The following RETREG1 variants were observed in gnomAD, a reference collection of about 807,000 sequenced individuals.
The protein encoded by RETREG1 is family with sequence similarity 134 member B.
In RETREG1, 44 loss-of-function variants were observed where a neutral mutation model predicts 54.8. The observed-to-expected ratio is 0.80, with a 90% CI of 0.63 to 1.03. RETREG1 has a LOEUF of 1.03. Among genes scored for constraint, RETREG1 ranks in the 50% least tolerant of loss-of-function variants. RETREG1 has a pLI of 0.00. For missense variants in RETREG1, 554 were observed against 605.1 expected (o/e 0.92, Z 0.89); for synonymous variants, 217 against 238.5 (o/e 0.91, Z 0.83).
intron 3 of RETREG1, among the ~76,000 whole-genome samples, chr5:16,507,545 T>C (rs1416444522): frequency 6.6e-6 from 1 of 152,220 alleles, no homozygotes; most frequent in Non-Finnish European, 1.5e-5. Flanking sequence ...TCATTTTATG[T>C]AGAAAGTTGT....
chr5:16,520,479 A>G (rs1353550405), intron 3 of RETREG1, among the ~76,000 whole-genome samples: 1 of 151,872 alleles, frequency 6.6e-6, no homozygotes, highest in East Asian at 1.9e-4. Flanking sequence ...ACAGGCACCC[A>G]TCACCACACT....
chr5:16,614,581 A>C (rs1204105949), intron 1 of RETREG1, among the ~76,000 whole-genome samples: 1 of 152,206 alleles, frequency 6.6e-6, no homozygotes, highest in Non-Finnish European at 1.5e-5. Context: ...ATAAATTGTT[A>C]GAACCCTAAG....
intron 3 of RETREG1, among the ~76,000 whole-genome samples, chr5:16,551,777 A>G (rs764790460): frequency 7.9e-5 from 12 of 152,060 alleles, no homozygotes; most frequent in Non-Finnish European, 1.8e-4. Context: ...CACCACAAAA[A>G]TCCATCATCT....
At chr5:16,549,435 T>C (rs924843515) in intron 3 of RETREG1, among the ~76,000 whole-genome samples, 3 of 152,202 alleles carry the variant, frequency 2.0e-5, no homozygotes, top group Non-Finnish European at 4.4e-5. Flanking sequence ...CATATATTAA[T>C]ATAAGTAAAA....
At chr5:16,610,162 T>C (rs1317020478) in intron 1 of RETREG1, among the ~76,000 whole-genome samples, 2 of 151,918 alleles carry the variant, frequency 1.3e-5, no homozygotes, top group South Asian at 2.1e-4. Flanking sequence ...AAGTGGGAGG[T>C]TGAACCCTGC....
chr5:16,573,180 C>CAAAAAAAAAAAAAAAAAAAAAA (rs11303408), intron 1 of RETREG1, among the ~76,000 whole-genome samples: 1 of 45,144 alleles, frequency 2.2e-5, no homozygotes, highest in Non-Finnish European at 4.0e-5. Flanking sequence ...GATTCTGTCT[C>CAAAAAAAAAAAAAAAAAAAAAA]AAAAAAAAAA....
intron 3 of RETREG1, among the ~76,000 whole-genome samples, chr5:16,549,662 AG>A (rs1233892340): frequency 6.6e-6 from 1 of 152,232 alleles, no homozygotes; most frequent in African/African-American, 2.4e-5. Flanking sequence ...ATCCAAACTT[AG>A]CCCCAGGGGA....
chr5:16,543,723 A>G (rs1741310946), intron 3 of RETREG1, among the ~76,000 whole-genome samples: 1 of 151,694 alleles, frequency 6.6e-6, no homozygotes, highest in Non-Finnish European at 1.5e-5. Context: ...TGGTTATACT[A>G]TTTGATATTC....
chr5:16,486,832 T>A (rs1739039072), intron 3 of RETREG1, among the ~76,000 whole-genome samples: 1 of 152,156 alleles, frequency 6.6e-6, no homozygotes, highest in Non-Finnish European at 1.5e-5. Flanking sequence ...ACAGAGCACT[T>A]CATGTGCAGA....
intron 3 of RETREG1, among the ~76,000 whole-genome samples, chr5:16,510,722 G>A (rs553361049): frequency 1.7e-4 from 26 of 151,042 alleles, no homozygotes; most frequent in Non-Finnish European, 2.7e-4. Flanking sequence ...CCTGGGAGGC[G>A]GAGGTTGCTG....
intron 1 of RETREG1, among the ~76,000 whole-genome samples, chr5:16,608,169 C>T (rs1056368440): frequency 1.3e-5 from 2 of 152,280 alleles, no homozygotes; most frequent in East Asian, 1.9e-4. Context: ...TGTGAGCCAC[C>T]GTGCCCGGCC....
rs1023954825 is a variant in RETREG1 at position 16,473,497 on chromosome 5, T to C, written c.*1244A>G. 2 of 152,582 alleles carry C rather than the reference T, an allele frequency of 1.3e-5. No homozygotes were observed. The highest frequency in any genetic ancestry group is 2.9e-5 in the Non-Finnish European group (2 of 67,988). 9.5% of individuals were successfully genotyped at this position (152,582 alleles called of 1,614,324 possible). On this transcript the variant is annotated 3_prime_UTR_variant, in exon 9 of 9. Coordinates refer to ENST00000306320, the MANE Select transcript of RETREG1 (RefSeq NM_001034850.3). ...CCTTCCTTTCTGAGGGTCTCAGATG[T>C]CTCTATGCATCTGCCAAAATGCCAG...
At chr5:16,537,768 T>C (rs1741120305) in intron 3 of RETREG1, among the ~76,000 whole-genome samples, 1 of 42,542 alleles carries the variant, frequency 2.4e-5, no homozygotes, top group Non-Finnish European at 4.0e-5. Flanking sequence ...GTCAGCACCA[T>C]GCAGCATGCA....
Position 16,475,073 on chromosome 5 carries a change from T to C in RETREG1, c.1162A>G (p.Lys388Glu). 6.2e-7 allele frequency: 1 copy of C among 1,613,970 alleles called. No individual in the cohort carries two copies. Among genetic ancestry groups the C allele is most frequent in the South Asian group, 1.1e-5 (1 of 91,076 alleles). Residue 388 changes from lysine (K) to glutamate (E), a missense_variant, in exon 9 of 9, where the codon AAA becomes GAA. By Grantham distance (56) the Lys-to-Glu change is moderately conservative. Transcript: ENST00000306320. The part of the protein sequence containing the change: ...EQLDSGHRPS[K>E]ETQSAAGLTL... ...AGACCAGCTGCTGATTGCGTCTCTTTGCTTGGTCTGTGACCACTGTCCAAC... is the reference window on the plus strand; with the variant it reads ...AGACCAGCTGCTGATTGCGTCTCTTCGCTTGGTCTGTGACCACTGTCCAAC...
chr5:16,609,964 C>T (rs1743294285), intron 1 of RETREG1, among the ~76,000 whole-genome samples: 1 of 152,120 alleles, frequency 6.6e-6, no homozygotes, highest in Admixed American at 6.5e-5. Flanking sequence ...CTGGAGAAAA[C>T]CCAGATGCTT....
chr5:16,570,372 A>G (rs1655549385), intron 2 of RETREG1, among the ~76,000 whole-genome samples: 3 of 152,218 alleles, frequency 2.0e-5, no homozygotes, highest in African/African-American at 7.2e-5. Context: ...GCCAGGAGTG[A>G]GAAAAAGACA....
chr5:16,586,182 T>TA (rs1198859530), intron 1 of RETREG1, among the ~76,000 whole-genome samples: 6 of 151,960 alleles, frequency 3.9e-5, no homozygotes, highest in African/African-American at 1.5e-4. Flanking sequence ...AAAGAAGAAA[T>TA]AAACTCATGA....
At position 16,545,852 on chromosome 5, in the gene RETREG1, C is replaced by A. The variant is rs1425886444; in HGVS notation, c.458+19911G>T. 2.6e-5 allele frequency among the ~76,000 whole-genome samples: 4 copies of A among 152,228 alleles called. No individual in the cohort carries two copies. In the East Asian group the frequency reaches 7.7e-4, roughly 29 times the overall value. ...TTCCTCAGAAAGAAGGGTAAATTAG[C>A]TCTTCAGAGCCACCGTTCCATGTGT... On this transcript the variant is annotated intron_variant, in intron 3 of 8. Transcript: ENST00000306320.
At chr5:16,609,569 T>C (rs1743283453) in intron 1 of RETREG1, among the ~76,000 whole-genome samples, 1 of 151,480 alleles carries the variant, frequency 6.6e-6, no homozygotes, top group African/African-American at 2.4e-5. Flanking sequence ...AGGGAGAGAG[T>C]ATGCAGCGGC....
Sources: gnomAD v4.1 joint callset for allele counts (sites outside exome capture counted in the v4.1 genomes callset) on GRCh38, gnomAD v4.1.1 for gene constraint, MANE v1.5 for transcripts, NCBI Gene and HGNC (gene_info 2026-07-23, HGNC 2026-07-21) for gene names.